Variants in DMTF1 observed in about 807,000 individuals in gnomAD.
DMTF1 encodes cyclin D binding myb like transcription factor 1.
Under a neutral mutation model 91.1 loss-of-function variants are expected in DMTF1, and 39 were observed. The observed-to-expected ratio is 0.43, with a 90% CI of 0.33 to 0.56. DMTF1 has a LOEUF of 0.56. Ranked by LOEUF, DMTF1 falls within the 20% of genes least tolerant of loss-of-function variation. DMTF1 has a pLI of 0.05. For missense variants in DMTF1, 750 were observed against 914.5 expected (o/e 0.82, Z 2.32); for synonymous variants, 338 against 309.5 (o/e 1.09, Z -0.97).
At position 87,174,658 on chromosome 7, in the gene DMTF1, C is replaced by T. The variant is rs559006713; in HGVS notation, c.508C>T (p.Arg170Cys). 44 of 1,606,856 alleles carry T rather than the reference C, an allele frequency of 2.7e-5. No individual in the cohort carries two copies. Among genetic ancestry groups the T allele is most frequent in the East Asian group, 6.7e-5 (3 of 44,552 alleles). ...TGATATTTTGATGAACAATATTGAA[C>T]GCTATCTTAAGGTATCTTATGGCAT... ...EIDILMNNIE[R>C]YLKARGIKDA... The change falls in exon 7 of 18, where the codon CGC (arginine) becomes TGC (cysteine). Residue 170 changes from arginine (R) to cysteine (C), a missense_variant. This residue lies in a region of DMTF1 where 190 missense variants were observed against 343.8 expected (regional missense o/e 0.55). Coordinates refer to ENST00000331242, the MANE Select transcript of DMTF1 (RefSeq NM_001142327.2).
intron 4 of DMTF1, 100 bp from the exon 5 acceptor site, chr7:87,170,895 T>C: frequency 1.3e-6 from 1 of 755,300 alleles, no homozygotes; most frequent in East Asian, 2.7e-5. Flanking sequence ...AGGAGTGTGT[T>C]AGGAAATTAG....
chr7:87,173,583 G>T lies in DMTF1; in HGVS notation c.376G>T (p.Glu126Ter). The T allele has an allele frequency of 6.2e-7, 1 of 1,611,254 alleles. No homozygotes were observed. The highest frequency in any genetic ancestry group is 1.1e-5 in the South Asian group (1 of 90,864). ...LDEISPLGNE[E>*]VSAVSQAWFT... ...TGAAATATCTCCCTTGGGTAACGAGGAAGTTTCAGCAGTTAGCCAAGCATG... is the reference window on the plus strand; with the variant it reads ...TGAAATATCTCCCTTGGGTAACGAGTAAGTTTCAGCAGTTAGCCAAGCATG... The change falls in exon 6 of 18, where the codon GAA becomes TAA. Residue 126 changes from glutamate to a stop codon, truncating the protein, a stop_gained. Transcript: ENST00000331242. LOFTEE classifies it high-confidence loss of function.
chr7:87,188,263 T>C lies in DMTF1; in HGVS notation c.1373T>C (p.Met458Thr). Residue 458 changes from methionine to threonine, a missense_variant, in exon 13 of 18, where the codon ATG becomes ACG. Met to Thr is a moderately conservative substitution (Grantham distance 81). Around this residue, in one of 3 missense-constraint regions of DMTF1, gnomAD observed 410 missense variants for 420.2 expected, o/e 0.98. Transcript: ENST00000331242. ...EDNTAISSSP[M>T]AALQIPVQIT... ...AATACAGCCATCTCTTCTAGCCCCA[T>C]GGCAGCATTGCAGATTCCAGTCCAG... 6.2e-7 allele frequency: 1 copy of C among 1,613,936 alleles called. No individual in the cohort carries two copies. Among genetic ancestry groups the C allele is most frequent in the East Asian group, 2.2e-5 (1 of 44,876 alleles).
At chr7:87,159,701 CAT>C (rs1246947366) in intron 1 of DMTF1, among the ~76,000 whole-genome samples, 7 of 152,136 alleles carry the variant, frequency 4.6e-5, no homozygotes, top group Non-Finnish European at 8.8e-5. Flanking sequence ...GATGTGCAGT[CAT>C]GTGTTGCTTA....
chr7:87,189,329 G>T (rs1177105031), intron 13 of DMTF1, among the ~76,000 whole-genome samples: 2 of 152,078 alleles, frequency 1.3e-5, no homozygotes, highest in Non-Finnish European at 2.9e-5. Context: ...ATCCTAATCT[G>T]AATTTGGTTA....
chr7:87,182,077 A>G (rs770819448), intron 9 of DMTF1, 151 bp from the exon 10 acceptor site: 32 of 1,538,820 alleles, frequency 2.1e-5, no homozygotes, highest in Non-Finnish European at 2.7e-5. Context: ...CCCCAAAAAA[A>G]GGCCACACTT....
chr7:87,175,029 T>G (rs942777076), intron 7 of DMTF1, among the ~76,000 whole-genome samples: 1 of 151,566 alleles, frequency 6.6e-6, no homozygotes, highest in Non-Finnish European at 1.5e-5. Context: ...TTTTTGTTTT[T>G]TTTTTTTTTG....
chr7:87,155,478 CAAG>C (rs1348181228), intron 1 of DMTF1: 1 of 152,002 alleles, frequency 6.6e-6, no homozygotes, highest in Non-Finnish European at 1.5e-5. Context: ...CCAAATGATA[CAAG>C]AAGACCCGAG....
In DMTF1 at chr7:87,161,214, G is replaced by T. The variant is rs114733859; in HGVS notation, c.-131-2281G>T. Among the ~76,000 whole-genome samples, 792 of 151,972 alleles carry T rather than the reference G, an allele frequency of 5.2e-3. 4 individuals carry two copies. Among genetic ancestry groups the T allele is most frequent in the African/African-American group, 0.019 (768 of 41,478 alleles). On this transcript the variant is annotated intron_variant, in intron 1 of 17. Coordinates refer to ENST00000331242, the MANE Select transcript of DMTF1 (RefSeq NM_001142327.2). Reference sequence around the variant, plus strand: ...GAGTCAAGAACATATTTAGGATGACGGGACCAGGCACATTGGCTCACGCCT... The same window carrying T: ...GAGTCAAGAACATATTTAGGATGACTGGACCAGGCACATTGGCTCACGCCT...
chr7:87,194,663 T>A lies in DMTF1; in HGVS notation c.2029-21T>A, dbSNP rs192207965. ...GACTAGTAAGAATATGAGTCAATAT[T>A]TTTTTTTTAATGTTATTTAGGGTTT... On this transcript the variant is annotated intron_variant, in intron 16 of 17. Coordinates refer to ENST00000331242, the MANE Select transcript of DMTF1 (RefSeq NM_001142327.2). The A allele has an allele frequency of 4.2e-3, 6,544 of 1,565,304 alleles. 20 individuals carry two copies. The highest frequency in any genetic ancestry group is 4.1e-3 in the Non-Finnish European group (4,668 of 1,141,300).
intron 3 of DMTF1, among the ~76,000 whole-genome samples, chr7:87,165,350 A>G (rs914758643): frequency 2.6e-5 from 4 of 152,222 alleles, no homozygotes; most frequent in Non-Finnish European, 4.4e-5. Flanking sequence ...ATTATTCCTC[A>G]ATGCAAGTAG....
At chr7:87,189,078 A>C (rs1799148392) in intron 13 of DMTF1, among the ~76,000 whole-genome samples, 1 of 152,190 alleles carries the variant, frequency 6.6e-6, no homozygotes, top group Non-Finnish European at 1.5e-5. Context: ...AGGTTTTTGC[A>C]GACTGTCCTT....
chr7:87,172,516 T>C (rs151106233), intron 5 of DMTF1, among the ~76,000 whole-genome samples: 6 of 152,356 alleles, frequency 3.9e-5, no homozygotes, highest in East Asian at 1.9e-4. Context: ...GGACAACTTA[T>C]CTCTTTCCAA....
chr7:87,183,809 A>C (rs1470338352), intron 10 of DMTF1, among the ~76,000 whole-genome samples: 1 of 152,214 alleles, frequency 6.6e-6, no homozygotes, highest in South Asian at 2.1e-4. Context: ...GGGTTGAGAA[A>C]ACACAGGAAT....
At position 87,189,485 on chromosome 7, in the gene DMTF1, G is replaced by T. The variant is rs113757006; in HGVS notation, c.1411+1184G>T. 3.9e-3 allele frequency among the ~76,000 whole-genome samples: 595 copies of T among 152,082 alleles called. 3 individuals carry two copies. The highest frequency in any genetic ancestry group is 5.1e-3 in the Non-Finnish European group (347 of 67,928). ...TTGATTGGGCATGTTAGTTTTTCTT[G>T]GCTATTGAGTTGACAGTACCCATTG... On this transcript the variant is annotated intron_variant, in intron 13 of 17. Coordinates refer to ENST00000331242, the MANE Select transcript of DMTF1 (RefSeq NM_001142327.2).
At chr7:87,191,729 A>G (rs1799819663) in intron 14 of DMTF1, among the ~76,000 whole-genome samples, 1 of 152,144 alleles carries the variant, frequency 6.6e-6, no homozygotes, top group South Asian at 2.1e-4. Context: ...TGTCCAAAAT[A>G]GGCAAATTTG....
At chr7:87,179,439 TA>T in intron 7 of DMTF1, 105 bp from the exon 8 acceptor site, 2 of 911,120 alleles carry the variant, frequency 2.2e-6, no homozygotes, top group Non-Finnish European at 2.9e-6. Flanking sequence ...ATTATTTTTC[TA>T]AATGCCGTTG....
At position 87,196,025 on chromosome 7, in the gene DMTF1, AAAC is replaced by A. The variant is rs780893464; in HGVS notation, c.*888_*890del. 5 of 152,392 alleles carry A rather than the reference AAAC, an allele frequency of 3.3e-5. No individual in the cohort carries two copies. Among genetic ancestry groups the A allele is most frequent in the Non-Finnish European group, 5.9e-5 (4 of 68,040 alleles). The allele number at this position is 152,392 out of a possible 1,614,324, so 9.4% of individuals were successfully genotyped here. On this transcript the variant is annotated 3_prime_UTR_variant, in exon 18 of 18. Coordinates refer to ENST00000331242, the MANE Select transcript of DMTF1 (RefSeq NM_001142327.2). ...CCTCTCATCTCAGGCTATTTTAAAA[AAAC>A]AATATTTGCTTCTATAACAAAAGGA...
At chr7:87,158,842 AAAC>A (rs1246713435) in intron 1 of DMTF1, among the ~76,000 whole-genome samples, 1 of 152,246 alleles carries the variant, frequency 6.6e-6, no homozygotes, top group East Asian at 1.9e-4. Flanking sequence ...TAAATGATTC[AAAC>A]AACAAGTAAT....
Sources: allele counts gnomAD v4.1 joint callset (sites outside exome capture counted in the v4.1 genomes callset), GRCh38; gene constraint gnomAD v4.1.1; regional missense constraint gnomAD v4.1.1; transcripts MANE v1.5; gene names NCBI Gene and HGNC (gene_info 2026-07-23, HGNC 2026-07-21).